FOXP2: variants seen among roughly 807,000 people sequenced by gnomAD.
The protein encoded by FOXP2 is forkhead box protein P2.
In FOXP2, 12 loss-of-function variants were observed where a neutral mutation model predicts 115.8. The observed-to-expected ratio is 0.10, with a 90% CI of 0.07 to 0.17. The LOEUF is 0.17. Ranked by LOEUF, FOXP2 falls within the 10% of genes least tolerant of loss-of-function variation. The probability of loss-of-function intolerance (pLI) is 1.00; values close to 1 mark genes in which losing one functional copy is unlikely to be tolerated. For synonymous variants in FOXP2, 328 were observed against 297.7 expected (o/e 1.10, Z -1.05); for missense variants, 629 against 843.5 (o/e 0.75, Z 3.15).
intron 2 of FOXP2, among the ~76,000 whole-genome samples, chr7:114,514,395 T>C (rs2129264292): frequency 6.6e-6 from 1 of 152,206 alleles, no homozygotes; most frequent in African/African-American, 2.4e-5. Context: ...TTTATGTCCT[T>C]TGACCAACAT....
chr7:114,555,286 G>A (rs1013743518), intron 3 of FOXP2, among the ~76,000 whole-genome samples: 1 of 152,172 alleles, frequency 6.6e-6, no homozygotes, highest in Non-Finnish European at 1.5e-5. Context: ...TGAGCTGGAA[G>A]TGAATTCAAG....
intron 2 of FOXP2, among the ~76,000 whole-genome samples, chr7:114,318,115 A>G (rs1345514672): frequency 6.6e-6 from 1 of 152,194 alleles, no homozygotes; most frequent in Non-Finnish European, 1.5e-5. Context: ...ATTAGAAAAA[A>G]TTCTAATTTT....
chr7:114,155,065 GTTA>G (rs1792627856), intron 1 of FOXP2, among the ~76,000 whole-genome samples: 1 of 152,098 alleles, frequency 6.6e-6, no homozygotes, highest in Non-Finnish European at 1.5e-5. Flanking sequence ...TGCTAATACA[GTTA>G]TTAATAGAAT....
At chr7:114,539,699 A>G (rs1297789579) in intron 3 of FOXP2, among the ~76,000 whole-genome samples, 2 of 152,056 alleles carry the variant, frequency 1.3e-5, no homozygotes, top group African/African-American at 4.8e-5. Context: ...ATAGAATACA[A>G]TTTTTGTTAA....
intron 2 of FOXP2, among the ~76,000 whole-genome samples, chr7:114,521,245 GA>G (rs1350088753): frequency 6.6e-6 from 1 of 152,046 alleles, no homozygotes; most frequent in African/African-American, 2.4e-5. Context: ...GAAAAAGCAT[GA>G]ACACTACTTG....
rs185379747 is a variant in FOXP2 at position 114,322,681 on chromosome 7, G to C, written c.-11+34572G>C. Among the ~76,000 whole-genome samples the C allele has an allele frequency of 3.9e-5, 6 of 152,144 alleles. No individual in the cohort carries two copies. The East Asian group carries it at 1.2e-3, about 30-fold the overall frequency. ...CTGGTGAAGCATGTATTTGAAACCA[G>C]ATTTTTCTAAGGCTAGAGTCCACAT... On this transcript the variant is annotated intron_variant, in intron 2 of 17. Coordinates refer to the FOXP2 transcript ENST00000634411.
intron 1 of FOXP2, among the ~76,000 whole-genome samples, chr7:114,111,660 A>G (rs1313765787): frequency 9.9e-5 from 15 of 152,170 alleles, no homozygotes; most frequent in Non-Finnish European, 7.4e-5. Flanking sequence ...CTGGTTACAG[A>G]TAATTTAATA....
chr7:114,514,703 T>C (rs1428999379), intron 2 of FOXP2, among the ~76,000 whole-genome samples: 2 of 151,544 alleles, frequency 1.3e-5, no homozygotes, highest in Non-Finnish European at 2.9e-5. Context: ...ATTTATTTAT[T>C]TTTTATATTT....
At chr7:114,100,028 T>C (rs1219260786) in intron 1 of FOXP2, among the ~76,000 whole-genome samples, 1 of 152,222 alleles carries the variant, frequency 6.6e-6, no homozygotes, top group Non-Finnish European at 1.5e-5. Flanking sequence ...TTGTATACTT[T>C]AAAAACGCAC....
At chr7:114,248,668 A>G (rs1024412118) in intron 1 of FOXP2, among the ~76,000 whole-genome samples, 3 of 152,186 alleles carry the variant, frequency 2.0e-5, no homozygotes, top group African/African-American at 7.2e-5. Context: ...TTTTAGTTTT[A>G]TCCTTGTCCT....
intron 3 of FOXP2, among the ~76,000 whole-genome samples, chr7:114,584,293 C>T (rs895882902): frequency 6.6e-6 from 1 of 152,042 alleles, no homozygotes; most frequent in African/African-American, 2.4e-5. Context: ...TTTGAATGAA[C>T]TTATCTGCCT....
intron 1 of FOXP2, among the ~76,000 whole-genome samples, chr7:114,192,392 A>G (rs566163071): frequency 7.2e-5 from 11 of 152,220 alleles, no homozygotes; most frequent in Middle Eastern, 3.4e-3. Context: ...GTTGAAGGAC[A>G]TTTTGCTTGT....
At chr7:114,549,673 A>C (rs1800104035) in intron 3 of FOXP2, among the ~76,000 whole-genome samples, 1 of 152,184 alleles carries the variant, frequency 6.6e-6, no homozygotes, top group Non-Finnish European at 1.5e-5. Flanking sequence ...ACCTCTCATA[A>C]TAGGTCTTGC....
chr7:114,232,726 T>C (rs1794912958), intron 1 of FOXP2, among the ~76,000 whole-genome samples: 1 of 151,424 alleles, frequency 6.6e-6, no homozygotes, highest in Non-Finnish European at 1.5e-5. Context: ...GGCAGGAGAA[T>C]CACTTGAACC....
At chr7:114,151,756 A>G (rs1792533934) in intron 1 of FOXP2, among the ~76,000 whole-genome samples, 1 of 152,168 alleles carries the variant, frequency 6.6e-6, no homozygotes, top group Non-Finnish European at 1.5e-5. Flanking sequence ...TGATTGTAAC[A>G]TCTTTTGACA....
intron 1 of FOXP2, among the ~76,000 whole-genome samples, chr7:114,165,258 A>C (rs1470939234): frequency 1.3e-5 from 2 of 152,164 alleles, no homozygotes; most frequent in African/African-American, 4.8e-5. Flanking sequence ...CCTATTCCAC[A>C]TTATACTGGA....
chr7:114,258,638 CACA>C lies in FOXP2; in HGVS notation c.-101-29377_-101-29375del, dbSNP rs1414657392. Among the ~76,000 whole-genome samples, 16 of 152,262 alleles carry C rather than the reference CACA, an allele frequency of 1.1e-4. No homozygotes were observed. The East Asian group carries it at 3.1e-3, about 29-fold the overall frequency. On this transcript the variant is annotated intron_variant, in intron 1 of 17. Coordinates refer to the FOXP2 transcript ENST00000634411. ...ATATCATAACTATTCATTTTACTGG[CACA>C]ACATTTTAAAACATTACCAGACTTA... is the stretch of plus-strand genomic sequence containing the variant.
intron 2 of FOXP2, among the ~76,000 whole-genome samples, chr7:114,392,318 A>C (rs966800481): frequency 6.6e-6 from 1 of 152,260 alleles, no homozygotes; most frequent in Non-Finnish European, 1.5e-5. Context: ...TTGGGGGACC[A>C]GAAACCTAGG....
chr7:114,597,058 A>C (rs1802759348), intron 3 of FOXP2, among the ~76,000 whole-genome samples: 1 of 152,220 alleles, frequency 6.6e-6, no homozygotes, highest in East Asian at 1.9e-4. Context: ...TGTGTAAGAA[A>C]AAATTGGGGG....
Sources: gnomAD v4.1 joint callset for allele counts (sites outside exome capture counted in the v4.1 genomes callset) on GRCh38, gnomAD v4.1.1 for gene constraint, MANE v1.5 for transcripts, NCBI Gene and HGNC (gene_info 2026-07-23, HGNC 2026-07-21) for gene names.